LCP1: variants seen among roughly 807,000 people sequenced by gnomAD.
LCP1 encodes plastin-2.
In LCP1, 23 loss-of-function variants were observed where a neutral mutation model predicts 72.0. The ratio of observed to expected loss-of-function variants is 0.32; its 90% CI spans 0.23 to 0.45. The LOEUF (loss-of-function observed/expected upper bound fraction) is 0.45. Ranked by LOEUF, LCP1 falls within the 20% of genes least tolerant of loss-of-function variation. The pLI, the probability that LCP1 is intolerant of heterozygous loss-of-function variation, is 1.00. For synonymous variants in LCP1, 245 were observed against 275.4 expected (o/e 0.89, Z 1.09); for missense variants, 571 against 748.3 (o/e 0.76, Z 2.76).
chr13:46,160,017 G>A (rs1053371345), intron 1 of LCP1, among the ~76,000 whole-genome samples: 7 of 152,060 alleles, frequency 4.6e-5, no homozygotes, highest in Non-Finnish European at 8.8e-5. Flanking sequence ...TGATGTCTGG[G>A]GCTGGAAACT....
intron 1 of LCP1, among the ~76,000 whole-genome samples, chr13:46,161,695 A>C (rs941135381): frequency 2.6e-4 from 40 of 152,352 alleles, no homozygotes; most frequent in African/African-American, 9.4e-4. Context: ...TAAACCAACT[A>C]AATGATGTAA....
chr13:46,168,279 A>T (rs2045887418), intron 1 of LCP1, among the ~76,000 whole-genome samples: 1 of 152,240 alleles, frequency 6.6e-6, no homozygotes, highest in African/African-American at 2.4e-5. Flanking sequence ...GCTGACAAGT[A>T]TACATACAAA....
intron 13 of LCP1, among the ~76,000 whole-genome samples, chr13:46,139,209 G>T (rs1349006793): frequency 6.6e-6 from 1 of 152,200 alleles, no homozygotes; most frequent in Non-Finnish European, 1.5e-5. Flanking sequence ...CTAAAAGACA[G>T]AGTTGGAGTT....
intron 1 of LCP1, among the ~76,000 whole-genome samples, chr13:46,162,164 T>C (rs887083982): frequency 2.6e-5 from 4 of 151,964 alleles, no homozygotes; most frequent in Non-Finnish European, 4.4e-5. Context: ...TCCCAGGCTG[T>C]CTACTCGGGT....
intron 13 of LCP1, among the ~76,000 whole-genome samples, chr13:46,139,899 C>G (rs2045687066): frequency 6.6e-6 from 1 of 152,154 alleles, no homozygotes; most frequent in African/African-American, 2.4e-5. Flanking sequence ...GATGGAATAA[C>G]AGGGCCCACA....
intron 7 of LCP1, among the ~76,000 whole-genome samples, chr13:46,152,376 G>C (rs1218793675): frequency 6.6e-6 from 1 of 152,106 alleles, no homozygotes; most frequent in African/African-American, 2.4e-5. Flanking sequence ...GTTTTGATAA[G>C]AAATAGACCA....
intron 11 of LCP1, among the ~76,000 whole-genome samples, chr13:46,143,738 A>C (rs1336894043): frequency 6.6e-6 from 1 of 152,254 alleles, no homozygotes; most frequent in African/African-American, 2.4e-5. Context: ...CCCTGTACCT[A>C]AAGGTTTACA....
chr13:46,145,657 C>T (rs1444505812), intron 10 of LCP1, among the ~76,000 whole-genome samples: 1 of 77,762 alleles, frequency 1.3e-5, no homozygotes, highest in Non-Finnish European at 2.6e-5. Flanking sequence ...CGCCTGTAAT[C>T]CCAGCACTTT....
At chr13:46,166,068 A>C (rs2045874760) in intron 1 of LCP1, among the ~76,000 whole-genome samples, 1 of 152,234 alleles carries the variant, frequency 6.6e-6, no homozygotes, top group African/African-American at 2.4e-5. Context: ...TTCCCAAGTC[A>C]GTAGCGAAGG....
chr13:46,154,868 T>A lies in LCP1; in HGVS notation c.510A>T (p.Ser170=), dbSNP rs368826510. The change falls in exon 6 of 16, where the codon TCA becomes TCT. Residue 170 remains serine (S), a synonymous_variant. Transcript: ENST00000323076. Reference sequence around the variant, plus strand: ...TTCTTTCATCAATTGTGTCTGGCACTGACAGGTTGATCATTTTACTGAAAG... The same window carrying A: ...TTCTTTCATCAATTGTGTCTGGCACAGACAGGTTGATCATTTTACTGAAAG... ...GIVLCKMINL[S]VPDTIDERTI... 1 of 1,613,780 alleles carries A rather than the reference T, an allele frequency of 6.2e-7. No individual in the cohort carries two copies.
chr13:46,133,009 G>A (rs2045643147), intron 14 of LCP1, among the ~76,000 whole-genome samples: 1 of 152,134 alleles, frequency 6.6e-6, no homozygotes. Context: ...TTATGATGAT[G>A]TGGATCAAGT....
At chr13:46,147,238 A>T in intron 9 of LCP1, 135 bp from the exon 10 acceptor site, 3 of 714,162 alleles carry the variant, frequency 4.2e-6, no homozygotes, top group Non-Finnish European at 6.5e-6. Flanking sequence ...ATAACAGCAC[A>T]TTATTGCCTA....
chr13:46,146,706 G>A (rs9595421), intron 10 of LCP1, among the ~76,000 whole-genome samples: 2,425 of 152,250 alleles, frequency 0.016, 64 homozygotes, highest in African/African-American at 0.055. Flanking sequence ...GTTAATGGAC[G>A]TGATAGAATG....
chr13:46,163,365 C>T (rs1593960376), intron 1 of LCP1, among the ~76,000 whole-genome samples: 1 of 152,196 alleles, frequency 6.6e-6, no homozygotes. Context: ...GAAACATGTG[C>T]TGTGTCCACT....
chr13:46,132,347 A>T (rs562475765), intron 14 of LCP1, among the ~76,000 whole-genome samples: 1 of 152,282 alleles, frequency 6.6e-6, no homozygotes, highest in South Asian at 2.1e-4. Flanking sequence ...TCATATTAAC[A>T]GCTAAGTGAC....
chr13:46,156,435 T>C lies in LCP1; in HGVS notation c.491+3A>G. The C allele has an allele frequency of 6.2e-7, 1 of 1,611,038 alleles. No homozygotes were observed. Among genetic ancestry groups the C allele is most frequent in the Non-Finnish European group, 8.5e-7 (1 of 1,178,360 alleles). On this transcript the variant is annotated splice_donor_region_variant and intron_variant, in intron 5 of 15. Transcript: ENST00000323076. ...TGGAAACCAAGAAAGAAGTATTATT[T>C]ACCAAAGGACAATGCCATCTCCAAC...
At chr13:46,141,655 A>G (rs1308259101) in intron 13 of LCP1, among the ~76,000 whole-genome samples, 1 of 152,166 alleles carries the variant, frequency 6.6e-6, no homozygotes, top group Non-Finnish European at 1.5e-5. Context: ...TATTTTGAAA[A>G]TGAAATAGAC....
intron 1 of LCP1, among the ~76,000 whole-genome samples, chr13:46,175,308 C>T (rs1400350481): frequency 6.6e-6 from 1 of 152,110 alleles, no homozygotes; most frequent in Non-Finnish European, 1.5e-5. Flanking sequence ...GGGAAAATAA[C>T]CCACATCACA....
At chr13:46,158,488 T>G in intron 4 of LCP1, 34 bp downstream of exon 4, 1 of 1,606,934 alleles carries the variant, frequency 6.2e-7, no homozygotes, top group Non-Finnish European at 8.5e-7. Context: ...TCTGTAATCC[T>G]GAAATCCTGC....
Sources: allele counts gnomAD v4.1 joint callset (sites outside exome capture counted in the v4.1 genomes callset), GRCh38; gene constraint gnomAD v4.1.1; transcripts MANE v1.5; gene names NCBI Gene and HGNC (gene_info 2026-07-23, HGNC 2026-07-21).